Variants in KCNK2 observed in about 807,000 individuals in gnomAD.
KCNK2 encodes potassium channel subfamily K member 2.
A neutral mutation model predicts 40.5 loss-of-function variants in KCNK2; 21 were observed. That is an observed-to-expected ratio of 0.52 (90% CI 0.37 to 0.75). The LOEUF is 0.75. KCNK2 is among the 30% of genes least tolerant of loss of function. The pLI is 0.00. For synonymous variants in KCNK2, 191 were observed against 202.2 expected (o/e 0.94, Z 0.47); for missense variants, 399 against 531.6 (o/e 0.75, Z 2.45).
intron 1 of KCNK2, among the ~76,000 whole-genome samples, chr1:215,066,672 G>C (rs1464164795): frequency 6.6e-6 from 1 of 152,162 alleles, no homozygotes; most frequent in Non-Finnish European, 1.5e-5. Context: ...AGTCAGTAGA[G>C]AGGGCTGACC....
chr1:215,062,440 G>T (rs1243446312), intron 1 of KCNK2, among the ~76,000 whole-genome samples: 1 of 151,842 alleles, frequency 6.6e-6, no homozygotes, highest in Non-Finnish European at 1.5e-5. Flanking sequence ...TACAACATCA[G>T]ATATTTACAC....
At chr1:215,078,440 G>C (rs192371253), upstream of KCNK2, among the ~76,000 whole-genome samples, 1 of 152,304 alleles carries the variant, frequency 6.6e-6, no homozygotes, top group East Asian at 1.9e-4. Context: ...TGGCTGGGGA[G>C]GCCTTAGGAA....
intron 2 of KCNK2, among the ~76,000 whole-genome samples, chr1:215,123,198 T>G (rs1661270930): frequency 6.9e-6 from 1 of 145,548 alleles, no homozygotes; most frequent in South Asian, 2.1e-4. Context: ...ATCTACATAT[T>G]GGGCAATGAT....
intron 3 of KCNK2, among the ~76,000 whole-genome samples, chr1:215,134,864 G>T (rs1049417613): frequency 6.6e-6 from 1 of 151,720 alleles, no homozygotes; most frequent in African/African-American, 2.4e-5. Context: ...GGTTTTAGGG[G>T]GCTCTGTGCC....
chr1:215,077,885 T>G (rs895000232), upstream of KCNK2, among the ~76,000 whole-genome samples: 3 of 152,310 alleles, frequency 2.0e-5, no homozygotes, highest in Non-Finnish European at 4.4e-5. Context: ...CTTTACCTCG[T>G]GCCTTCTTCT....
chr1:215,146,455 C>T (rs1303709427), intron 3 of KCNK2, among the ~76,000 whole-genome samples: 1 of 152,172 alleles, frequency 6.6e-6, no homozygotes, highest in African/African-American at 2.4e-5. Context: ...TTGTGAAATA[C>T]TGTTTGAACT....
intron 4 of KCNK2, among the ~76,000 whole-genome samples, chr1:215,171,076 C>G (rs1663690871): frequency 6.6e-6 from 1 of 152,110 alleles, no homozygotes; most frequent in Non-Finnish European, 1.5e-5. Context: ...TAAAAATTCT[C>G]AAGCTCTAAC....
chr1:215,177,619 C>T (rs1042340263), intron 5 of KCNK2, among the ~76,000 whole-genome samples: 3 of 151,122 alleles, frequency 2.0e-5, no homozygotes, highest in African/African-American at 7.3e-5. Flanking sequence ...GAATCCTTTC[C>T]TCACTACTAA....
chr1:215,166,336 G>A (rs1663446255), intron 3 of KCNK2, among the ~76,000 whole-genome samples: 1 of 151,960 alleles, frequency 6.6e-6, no homozygotes, highest in African/African-American at 2.4e-5. Context: ...CAAAACAGAG[G>A]ATTCAAAAGA....
intron 6 of KCNK2, among the ~76,000 whole-genome samples, chr1:215,233,027 A>C (rs1666734719): frequency 1.3e-5 from 2 of 152,202 alleles, no homozygotes; most frequent in Admixed American, 6.5e-5. Flanking sequence ...CTAACCTGGG[A>C]GTCCCCCCAA....
chr1:215,089,384 T>G (rs1659597751), intron 2 of KCNK2, among the ~76,000 whole-genome samples: 1 of 152,162 alleles, frequency 6.6e-6, no homozygotes, highest in Non-Finnish European at 1.5e-5. Flanking sequence ...TTGAAGAAAT[T>G]CTGCTACATA....
chr1:215,187,375 T>C (rs963301100), intron 5 of KCNK2, among the ~76,000 whole-genome samples: 1 of 152,224 alleles, frequency 6.6e-6, no homozygotes, highest in Non-Finnish European at 1.5e-5. Context: ...ATTTTTTATT[T>C]GACTGGAAGT....
intron 2 of KCNK2, among the ~76,000 whole-genome samples, chr1:215,096,328 T>C (rs1188865618): frequency 6.6e-6 from 1 of 151,838 alleles, no homozygotes; most frequent in African/African-American, 2.4e-5. Flanking sequence ...TAGTAACATT[T>C]TTTTCCTACT....
At chr1:215,165,109 G>C (rs1185748952) in intron 3 of KCNK2, among the ~76,000 whole-genome samples, 1 of 152,250 alleles carries the variant, frequency 6.6e-6, no homozygotes, top group East Asian at 1.9e-4. Flanking sequence ...TCTGGCTTTT[G>C]TCTGACTCTT....
intron 1 of KCNK2, among the ~76,000 whole-genome samples, chr1:215,061,432 G>A (rs189301020): frequency 2.6e-5 from 4 of 152,022 alleles, no homozygotes; most frequent in African/African-American, 4.8e-5. Flanking sequence ...TCCTCTTAAA[G>A]GGACTTTGGT....
intron 5 of KCNK2, among the ~76,000 whole-genome samples, chr1:215,172,528 G>A (rs1488712505): frequency 4.6e-5 from 7 of 152,046 alleles, no homozygotes. Flanking sequence ...GTGCCTCTCT[G>A]TCTCTGCAGC....
intron 6 of KCNK2, among the ~76,000 whole-genome samples, chr1:215,209,449 T>TAAA (rs1484330952): frequency 4.8e-4 from 14 of 28,904 alleles, no homozygotes; most frequent in Admixed American, 2.4e-3. Flanking sequence ...ATATATAATA[T>TAAA]ATATTATATA....
At chr1:215,148,095 T>TTTTG in intron 3 of KCNK2, among the ~76,000 whole-genome samples, 1 of 146,550 alleles carries the variant, frequency 6.8e-6, no homozygotes, top group Middle Eastern at 3.6e-3. Context: ...TTTTTTTTTT[T>TTTTG]TTTGGCAGGG....
chr1:215,082,238 G>A (rs910246381), upstream of KCNK2: 4 of 152,266 alleles, frequency 2.6e-5, no homozygotes, highest in African/African-American at 9.7e-5. Flanking sequence ...GCGAGCTGGT[G>A]ACTCCTTAAC....
Sources: allele counts gnomAD v4.1 joint callset (sites outside exome capture counted in the v4.1 genomes callset), GRCh38; gene constraint gnomAD v4.1.1; transcripts MANE v1.5; gene names NCBI Gene and HGNC (gene_info 2026-07-23, HGNC 2026-07-21).